PTPRM: variants seen among roughly 807,000 people sequenced by gnomAD.
The protein encoded by PTPRM is protein tyrosine phosphatase receptor type M, also known as receptor-type tyrosine-protein phosphatase mu.
In PTPRM, 47 loss-of-function variants were observed where a neutral mutation model predicts 186.7. The ratio of observed to expected loss-of-function variants is 0.25; its 90% CI spans 0.20 to 0.32. The LOEUF is 0.32. PTPRM is among the 10% of genes least tolerant of loss of function. The pLI, the probability that PTPRM is intolerant of heterozygous loss-of-function variation, is 1.00. For synonymous variants in PTPRM, 668 were observed against 674.9 expected (o/e 0.99, Z 0.16); for missense variants, 1,494 against 1,865.0 (o/e 0.80, Z 3.66).
chr18:7,804,395 T>C (rs1289367086), intron 2 of PTPRM, among the ~76,000 whole-genome samples: 1 of 152,218 alleles, frequency 6.6e-6, no homozygotes, highest in Non-Finnish European at 1.5e-5. Context: ...TTGACTACCC[T>C]GCTATTCAGG....
intron 7 of PTPRM, among the ~76,000 whole-genome samples, chr18:7,963,140 T>C (rs529266487): frequency 5.3e-5 from 8 of 152,242 alleles, no homozygotes; most frequent in Non-Finnish European, 8.8e-5. Flanking sequence ...CCTTCCCTAT[T>C]ATGCTGCAGA....
intron 1 of PTPRM, among the ~76,000 whole-genome samples, chr18:7,740,487 T>G (rs1026380262): frequency 8.5e-5 from 13 of 152,160 alleles, no homozygotes; most frequent in African/African-American, 2.9e-4. Flanking sequence ...GGTCTGATTA[T>G]AGGTCACTGC....
intron 1 of PTPRM, among the ~76,000 whole-genome samples, chr18:7,708,966 T>C (rs1426319298): frequency 6.6e-6 from 1 of 152,138 alleles, no homozygotes; most frequent in African/African-American, 2.4e-5. Context: ...GGAATTATGG[T>C]TCAGATGTTT....
intron 1 of PTPRM, among the ~76,000 whole-genome samples, chr18:7,572,099 A>G (rs1250760595): frequency 6.6e-6 from 1 of 152,212 alleles, no homozygotes; most frequent in Non-Finnish European, 1.5e-5. Context: ...TTACTATAAC[A>G]TTCTTAGTGT....
intron 1 of PTPRM, among the ~76,000 whole-genome samples, chr18:7,630,509 G>C (rs780308301): frequency 1.3e-5 from 2 of 152,152 alleles, no homozygotes; most frequent in African/African-American, 4.8e-5. Context: ...TGGTTATGAG[G>C]AGGAGCAGAG....
chr18:8,174,217 C>G (rs138678455), intron 14 of PTPRM, among the ~76,000 whole-genome samples: 93 of 152,312 alleles, frequency 6.1e-4, no homozygotes, highest in African/African-American at 1.8e-3. Context: ...ATCCCCCTAA[C>G]CTGGTGGTCT....
At position 7,966,820 on chromosome 18, in the gene PTPRM, CG is replaced by C. The variant is rs1188753358; in HGVS notation, c.1132+11407del. Among the ~76,000 whole-genome samples, 14 of 131,110 alleles carry C rather than the reference CG, an allele frequency of 1.1e-4. 1 individual carries two copies. In the South Asian group the frequency reaches 3.5e-3, roughly 33 times the overall value. 86.0% of individuals were successfully genotyped at this position (131,110 alleles called of 152,430 possible). On this transcript the variant is annotated intron_variant, in intron 7 of 32. Coordinates refer to ENST00000580170, the MANE Select transcript of PTPRM (RefSeq NM_001105244.2). ...GGAGGGTCCTACGCCCACGGAGTCTCGCTGATTGCCAGCACAGCAGTCTGAG... is the reference window on the plus strand; with the variant it reads ...GGAGGGTCCTACGCCCACGGAGTCTCCTGATTGCCAGCACAGCAGTCTGAG...
chr18:7,864,204 G>T (rs562846436), intron 2 of PTPRM, among the ~76,000 whole-genome samples: 6 of 152,196 alleles, frequency 3.9e-5, no homozygotes, highest in Admixed American at 2.6e-4. Context: ...AGTTTAATTA[G>T]ATCCCATTTG....
chr18:8,384,757 A>C, intron 30 of PTPRM, 71 bp downstream of exon 30: 2 of 1,575,246 alleles, frequency 1.3e-6, no homozygotes, highest in South Asian at 2.3e-5. Flanking sequence ...TACTTGGAGC[A>C]CTCACTCTAT....
intron 7 of PTPRM, among the ~76,000 whole-genome samples, chr18:7,977,349 A>T (rs1453395466): frequency 2.6e-5 from 4 of 152,094 alleles, no homozygotes; most frequent in Non-Finnish European, 5.9e-5. Flanking sequence ...TCGGCCTCCC[A>T]AAATGCTGGG....
intron 18 of PTPRM, 147 bp downstream of exon 18, chr18:8,252,646 G>A (rs775554407): frequency 2.4e-5 from 18 of 754,234 alleles, no homozygotes; most frequent in African/African-American, 8.7e-5. Context: ...TGATGTGTTG[G>A]TCCACAACAT....
intron 1 of PTPRM, among the ~76,000 whole-genome samples, chr18:7,746,164 CACAA>C (rs2040980933): frequency 6.6e-6 from 1 of 151,888 alleles, no homozygotes; most frequent in Admixed American, 6.6e-5. Context: ...ACAAGACAAA[CACAA>C]AGAACACTAT....
In PTPRM at chr18:8,314,863, T is replaced by C; in HGVS notation, c.2919+6T>C. 1 of 1,536,860 alleles carries C rather than the reference T, an allele frequency of 6.5e-7. No homozygotes were observed. The highest frequency in any genetic ancestry group is 8.9e-7 in the Non-Finnish European group (1 of 1,119,478). ...TCAATGGCAATTATATCGATGTATG[T>C]ATTTTATTATTTTTAATTGATATAT... is the stretch of plus-strand genomic sequence containing the variant. On this transcript the variant is annotated splice_donor_region_variant and intron_variant, in intron 21 of 32. Coordinates refer to ENST00000580170, the MANE Select transcript of PTPRM (RefSeq NM_001105244.2).
At chr18:8,029,761 T>C (rs1213149059) in intron 7 of PTPRM, among the ~76,000 whole-genome samples, 2 of 152,204 alleles carry the variant, frequency 1.3e-5, no homozygotes, top group African/African-American at 2.4e-5. Context: ...TGCATCAGTA[T>C]AGTGCCTGGC....
chr18:7,856,406 C>T (rs766600997), intron 2 of PTPRM, among the ~76,000 whole-genome samples: 1 of 152,070 alleles, frequency 6.6e-6, no homozygotes, highest in African/African-American at 2.4e-5. Context: ...CCTAGTCACC[C>T]GTCTCTACTT....
At chr18:8,373,494 A>G (rs188804134) in intron 24 of PTPRM, among the ~76,000 whole-genome samples, 1 of 152,206 alleles carries the variant, frequency 6.6e-6, no homozygotes, top group African/African-American at 2.4e-5. Context: ...CCATGCATTT[A>G]GGCTGTCTGG....
intron 31 of PTPRM, among the ~76,000 whole-genome samples, chr18:8,392,294 G>A (rs1179931735): frequency 6.6e-6 from 1 of 152,096 alleles, no homozygotes; most frequent in Non-Finnish European, 1.5e-5. Context: ...TATTATTTTA[G>A]GTATGATAGT....
chr18:7,760,914 G>T (rs1020848631), intron 1 of PTPRM, among the ~76,000 whole-genome samples: 2 of 152,052 alleles, frequency 1.3e-5, no homozygotes, highest in Non-Finnish European at 2.9e-5. Context: ...CCACACACAG[G>T]CAAGGACAGG....
intron 14 of PTPRM, among the ~76,000 whole-genome samples, chr18:8,189,874 A>T (rs889417727): frequency 3.3e-5 from 5 of 152,232 alleles, no homozygotes; most frequent in African/African-American, 4.8e-5. Flanking sequence ...ATTCTTAGAA[A>T]TACATCAGTC....
Sources: gnomAD v4.1 joint callset for allele counts (sites outside exome capture counted in the v4.1 genomes callset) on GRCh38, gnomAD v4.1.1 for gene constraint, MANE v1.5 for transcripts, NCBI Gene and HGNC (gene_info 2026-07-23, HGNC 2026-07-21) for gene names.